The following PXT1 variants were observed in gnomAD, a reference collection of about 807,000 sequenced individuals.
The protein encoded by PXT1 is peroxisomal testis-specific protein 1.
In PXT1, 11 loss-of-function variants were observed where a neutral mutation model predicts 11.0. The observed-to-expected ratio is 1.00, with a 90% CI of 0.63 to 1.66. PXT1 has a LOEUF of 1.66. Among genes scored for constraint, PXT1 ranks in the 40% most tolerant of loss-of-function variants. PXT1 has a pLI of 0.00. For synonymous variants in PXT1, 43 were observed against 51.4 expected, an observed-to-expected ratio of 0.84 and a Z score of 0.70; for missense variants, 141 against 155.5, an observed-to-expected ratio of 0.91 and a Z score of 0.49.
chr6:36,393,139 T>A (rs1482109957), intron 4 of PXT1: 1 of 151,998 alleles, frequency 6.6e-6, no homozygotes, highest in East Asian at 1.9e-4. Context: ...GCCCGGCTAA[T>A]TTTTTTTGTA....
At chr6:36,411,945 C>CA (rs1177155134) in intron 3 of PXT1, among the ~76,000 whole-genome samples, 1 of 151,782 alleles carries the variant, frequency 6.6e-6, no homozygotes, top group Admixed American at 6.6e-5. Context: ...AAGACCTTGC[C>CA]AAAAAAACAA....
chr6:36,408,449 A>T (rs1440854899), intron 3 of PXT1, among the ~76,000 whole-genome samples: 1 of 149,442 alleles, frequency 6.7e-6, no homozygotes, highest in Admixed American at 6.6e-5. Flanking sequence ...TTTTGTAGAG[A>T]CAGTCTTACC....
chr6:36,422,524 C>T (rs1167995939), intron 3 of PXT1, among the ~76,000 whole-genome samples: 1 of 152,164 alleles, frequency 6.6e-6, no homozygotes. Context: ...TGTCTGCTTC[C>T]TTTACCAGAC....
chr6:36,392,040 C>A, intron 4 of PXT1, 166 bp from the exon 5 acceptor site: 1 of 581,712 alleles, frequency 1.7e-6, no homozygotes, highest in Non-Finnish European at 3.0e-6. Flanking sequence ...AGGACAGTAC[C>A]TTCCATATGG....
intron 3 of PXT1, among the ~76,000 whole-genome samples, chr6:36,406,006 T>C (rs2127412036): frequency 6.6e-6 from 1 of 152,316 alleles, no homozygotes; most frequent in South Asian, 2.1e-4. Flanking sequence ...AATGGATTTC[T>C]CAGAACCTGT....
chr6:36,436,066 T>A (rs148705639), intron 2 of PXT1, among the ~76,000 whole-genome samples: 1 of 145,354 alleles, frequency 6.9e-6, no homozygotes, highest in East Asian at 2.0e-4. Flanking sequence ...TTTTAAATGA[T>A]GTGCCTGGAT....
chr6:36,438,264 G>A (rs934788010), intron 2 of PXT1, among the ~76,000 whole-genome samples: 26 of 151,914 alleles, frequency 1.7e-4, no homozygotes, highest in Non-Finnish European at 3.4e-4. Flanking sequence ...TGTAGATTTG[G>A]GAATAATCTA....
intron 2 of PXT1, among the ~76,000 whole-genome samples, chr6:36,438,490 C>T (rs1384203438): frequency 1.3e-5 from 2 of 152,304 alleles, no homozygotes; most frequent in African/African-American, 4.8e-5. Flanking sequence ...GTGGCGTGAT[C>T]TTAGCTAACT....
At chr6:36,414,140 T>C (rs778425594) in intron 3 of PXT1, among the ~76,000 whole-genome samples, 3 of 147,236 alleles carry the variant, frequency 2.0e-5, no homozygotes, top group Non-Finnish European at 3.0e-5. Context: ...ACACAATAAA[T>C]AGAGTAAGAC....
intron 3 of PXT1, among the ~76,000 whole-genome samples, chr6:36,416,526 C>A (rs1276289273): frequency 6.6e-6 from 1 of 152,184 alleles, no homozygotes; most frequent in Non-Finnish European, 1.5e-5. Flanking sequence ...TTCATCCTAT[C>A]CTTCTGTAGG....
intron 4 of PXT1, among the ~76,000 whole-genome samples, chr6:36,398,272 G>A (rs1774170647): frequency 6.6e-6 from 1 of 152,146 alleles, no homozygotes; most frequent in Non-Finnish European, 1.5e-5. Flanking sequence ...CACTGCTGGT[G>A]GGCCACAGTG....
chr6:36,392,123 G>A, intron 4 of PXT1: 1 of 386,238 alleles, frequency 2.6e-6, no homozygotes, highest in Admixed American at 4.2e-5. Context: ...AAACTCCTGG[G>A]CTCAAGTGAT....
At chr6:36,422,657 A>C (rs4295471) in intron 3 of PXT1, among the ~76,000 whole-genome samples, 68,449 of 152,040 alleles carry the variant, frequency 0.45, 16,196 homozygotes, top group Middle Eastern at 0.57. Flanking sequence ...CGAATTAAAA[A>C]AGAAAATGTA....
At chr6:36,401,689 A>G (rs1047177606) in intron 3 of PXT1, among the ~76,000 whole-genome samples, 3 of 151,810 alleles carry the variant, frequency 2.0e-5, no homozygotes, top group Non-Finnish European at 4.4e-5. Context: ...TAACAATTAA[A>G]TCAATGATCA....
chr6:36,426,559 A>AG (rs1774610796), intron 2 of PXT1, among the ~76,000 whole-genome samples: 1 of 151,782 alleles, frequency 6.6e-6, no homozygotes, highest in Non-Finnish European at 1.5e-5. Context: ...TAGTAGAAAC[A>AG]GGGTTTCACC....
At position 36,409,968 on chromosome 6, in the gene PXT1, A is replaced by AAAAG. The variant is rs1554152341; in HGVS notation, c.170-9388_170-9385dup. Among the ~76,000 whole-genome samples the AAAAG allele has an allele frequency of 3.5e-4, 52 of 147,026 alleles. 1 individual carries two copies. The South Asian group carries it at 5.5e-3, about 16-fold the overall frequency. On this transcript the variant is annotated intron_variant, in intron 3 of 4. Coordinates refer to ENST00000454782, the MANE Select transcript of PXT1 (RefSeq NM_152990.4). ...AAGAAAGAGAAAGGAAGAAAGAGAA[A>AAAAG]AAAGAAAGAAAGAAAGAAAGAAAAA...
chr6:36,415,229 G>A (rs190775267), intron 3 of PXT1, among the ~76,000 whole-genome samples: 1 of 152,152 alleles, frequency 6.6e-6, no homozygotes, highest in African/African-American at 2.4e-5. Context: ...GATCATCTGA[G>A]GTCAGGAGTT....
intron 3 of PXT1, among the ~76,000 whole-genome samples, chr6:36,409,895 AAAG>A (rs1408104189): frequency 1.3e-5 from 2 of 150,080 alleles, no homozygotes; most frequent in African/African-American, 4.9e-5. Flanking sequence ...GGAAGGAAGG[AAAG>A]AAGGAAGGAA....
intron 4 of PXT1, chr6:36,393,561 C>T (rs568902109): frequency 7.8e-4 from 119 of 152,340 alleles, no homozygotes; most frequent in African/African-American, 2.8e-3. Flanking sequence ...GAAACACCCC[C>T]TCTACTAAAA....
Sources: gnomAD v4.1 joint callset for allele counts (sites outside exome capture counted in the v4.1 genomes callset) on GRCh38, gnomAD v4.1.1 for gene constraint, MANE v1.5 for transcripts, NCBI Gene and HGNC (gene_info 2026-07-23, HGNC 2026-07-21) for gene names.